The following CPT1A variants were observed in gnomAD, a reference collection of about 807,000 sequenced individuals.
The protein encoded by CPT1A is carnitine palmitoyltransferase 1A, also known as carnitine O-palmitoyltransferase 1, liver isoform.
CPT1A carries 64 observed loss-of-function variants against 100.8 expected under a neutral mutation model. The observed-to-expected ratio is 0.63, with a 90% CI of 0.52 to 0.78. CPT1A has a LOEUF of 0.78. Ranked by LOEUF, CPT1A falls within the 30% of genes least tolerant of loss-of-function variation. The pLI is 0.00. For synonymous variants in CPT1A, 363 were observed against 396.0 expected (o/e 0.92, Z 0.99); for missense variants, 802 against 1,034.1 (o/e 0.78, Z 3.08).
intron 10 of CPT1A, among the ~76,000 whole-genome samples, chr11:68,783,251 C>A (rs1855363572): frequency 6.6e-6 from 1 of 152,116 alleles, no homozygotes; most frequent in Non-Finnish European, 1.5e-5. Flanking sequence ...AGAAGAATCT[C>A]CCACATTAAC....
intron 14 of CPT1A, among the ~76,000 whole-genome samples, chr11:68,765,589 G>A (rs894379540): frequency 3.3e-5 from 5 of 152,218 alleles, no homozygotes; most frequent in Non-Finnish European, 7.3e-5. Flanking sequence ...AATGATTCAG[G>A]TTGGTAGGGC....
At chr11:68,781,239 A>G (rs1019494083) in intron 11 of CPT1A, among the ~76,000 whole-genome samples, 1 of 152,158 alleles carries the variant, frequency 6.6e-6, no homozygotes, top group Non-Finnish European at 1.5e-5. Flanking sequence ...AGCATCTCCA[A>G]ACAAAGGTGG....
In CPT1A at chr11:68,796,894, G is replaced by A. The variant is rs767241290; in HGVS notation, c.733C>T (p.Arg245Ter). 13 of 1,613,932 alleles carry A rather than the reference G, an allele frequency of 8.1e-6. No homozygotes were observed. The highest frequency in any genetic ancestry group is 4.4e-5 in the South Asian group (4 of 91,058). ...WWEEYIYLRG[R>*]GPLMVNSNYY... Reference sequence around the variant, plus strand: ...TTGCTGTTCACCATGAGCGGCCCTCGTCCTCGGAGGTAGATGTACTCCTCC... The same window carrying A: ...TTGCTGTTCACCATGAGCGGCCCTCATCCTCGGAGGTAGATGTACTCCTCC... Residue 245 changes from arginine (R) to a stop codon, truncating the protein, a stop_gained, in exon 7 of 19, where the codon CGA becomes TGA. Transcript: ENST00000265641. LOFTEE classifies it high-confidence loss of function.
At chr11:68,836,677 C>T (rs568767799) in intron 1 of CPT1A, among the ~76,000 whole-genome samples, 21 of 152,046 alleles carry the variant, frequency 1.4e-4, no homozygotes, top group African/African-American at 4.8e-4. Flanking sequence ...GAGGCTGAGG[C>T]AGGAGAATCA....
chr11:68,767,554 C>A (rs1854844128), intron 14 of CPT1A, among the ~76,000 whole-genome samples: 1 of 152,156 alleles, frequency 6.6e-6, no homozygotes, highest in African/African-American at 2.4e-5. Context: ...TGTGCTACTG[C>A]ATTCCAGCCT....
intron 11 of CPT1A, among the ~76,000 whole-genome samples, chr11:68,781,346 G>A (rs1269674798): frequency 6.6e-6 from 1 of 152,214 alleles, no homozygotes; most frequent in Admixed American, 6.5e-5. Context: ...TTGGCCAGGC[G>A]CAGTGGCTCA....
At chr11:68,823,780 ACT>A (rs909141446) in intron 1 of CPT1A, among the ~76,000 whole-genome samples, 16 of 149,274 alleles carry the variant, frequency 1.1e-4, no homozygotes, top group Admixed American at 1.0e-3. Flanking sequence ...CAAGAACAAA[ACT>A]CTGTCTCAAA....
At chr11:68,782,640 T>C (rs1429356195) in intron 10 of CPT1A, among the ~76,000 whole-genome samples, 1 of 152,168 alleles carries the variant, frequency 6.6e-6, no homozygotes, top group South Asian at 2.1e-4. Flanking sequence ...CTGGGCTTCC[T>C]CGAGTGCTCC....
intron 1 of CPT1A, among the ~76,000 whole-genome samples, chr11:68,835,253 T>C (rs1158374940): frequency 2.6e-5 from 4 of 152,174 alleles, no homozygotes; most frequent in African/African-American, 4.8e-5. Context: ...CTAGCCAGCA[T>C]CGGCACTCGG....
chr11:68,791,174 G>A (rs1855603142), intron 9 of CPT1A, among the ~76,000 whole-genome samples: 1 of 152,116 alleles, frequency 6.6e-6, no homozygotes. Context: ...TGGAATCACT[G>A]TCAGTGTAGG....
intron 15 of CPT1A, among the ~76,000 whole-genome samples, 193 bp from the exon 16 acceptor site, chr11:68,761,880 G>C (rs1180592922): frequency 6.6e-6 from 1 of 152,108 alleles, no homozygotes; most frequent in African/African-American, 2.4e-5. Flanking sequence ...CAAAGTACTG[G>C]GATTACAGGC....
intron 14 of CPT1A, among the ~76,000 whole-genome samples, chr11:68,770,223 G>A (rs1369777533): frequency 2.6e-5 from 4 of 152,102 alleles, no homozygotes; most frequent in African/African-American, 9.7e-5. Context: ...ATACACGTAT[G>A]CCTGGAAGGT....
chr11:68,831,124 C>T (rs771248782), intron 1 of CPT1A, among the ~76,000 whole-genome samples: 2 of 152,200 alleles, frequency 1.3e-5, no homozygotes, highest in African/African-American at 4.8e-5. Flanking sequence ...TGAAAGTGTT[C>T]ACTTTGTTCC....
At chr11:68,766,288 AG>A (rs1222701975) in intron 14 of CPT1A, among the ~76,000 whole-genome samples, 1 of 151,976 alleles carries the variant, frequency 6.6e-6, no homozygotes, top group Non-Finnish European at 1.5e-5. Context: ...AGGCTGCCCA[AG>A]GGGTCCAGGG....
Position 68,757,630 on chromosome 11 carries a change from C to A in CPT1A, c.*14G>T. 1 of 1,614,108 alleles carries A rather than the reference C, an allele frequency of 6.2e-7. No individual in the cohort carries two copies. On this transcript the variant is annotated 3_prime_UTR_variant, in exon 19 of 19. Transcript: ENST00000265641. The stretch of plus-strand genomic sequence containing the variant: ...CAGAAGAGCTCGTTTTCCTTCCCAG[C>A]AGCTCCAGTGGAATTACTTTTTGGA...
At chr11:68,822,209 C>T (rs1348060716) in intron 1 of CPT1A, among the ~76,000 whole-genome samples, 1 of 151,692 alleles carries the variant, frequency 6.6e-6, no homozygotes, top group Non-Finnish European at 1.5e-5. Context: ...AAGCCCCTGT[C>T]TCTGTATAAT....
upstream of CPT1A, among the ~76,000 whole-genome samples, chr11:68,843,673 T>C (rs1196277843): frequency 6.6e-6 from 1 of 152,230 alleles, no homozygotes; most frequent in Admixed American, 6.5e-5. The surrounding 1 kb of genome is among the most constrained non-coding windows in gnomAD (Gnocchi z 4.0). Context: ...AGGTTAGAAG[T>C]TGGGGGTTTG....
chr11:68,796,487 C>T (rs1430254600), intron 7 of CPT1A, among the ~76,000 whole-genome samples: 2 of 152,004 alleles, frequency 1.3e-5, no homozygotes, highest in South Asian at 2.1e-4. Flanking sequence ...ACCTGGGAGG[C>T]GGAGGCTGCA....
intron 3 of CPT1A, among the ~76,000 whole-genome samples, chr11:68,809,707 C>T (rs749086503): frequency 4.6e-5 from 7 of 152,212 alleles, no homozygotes; most frequent in Non-Finnish European, 8.8e-5. Flanking sequence ...GGCTGGAAGA[C>T]GTTGGCCCTT....
Sources: gnomAD v4.1 joint callset for allele counts (sites outside exome capture counted in the v4.1 genomes callset) on GRCh38, gnomAD v4.1.1 for gene constraint, Gnocchi (gnomAD v3.1) non-coding constraint, MANE v1.5 for transcripts, NCBI Gene and HGNC (gene_info 2026-07-23, HGNC 2026-07-21) for gene names.